SLC22A8: variants seen among roughly 807,000 people sequenced by gnomAD.
SLC22A8 encodes organic anion transporter 3.
Under a neutral mutation model 48.4 loss-of-function variants are expected in SLC22A8, and 40 were observed. The observed-to-expected ratio is 0.83, with a 90% confidence interval of 0.64 to 1.08. The LOEUF (loss-of-function observed/expected upper bound fraction) is 1.08. Among genes scored for constraint, SLC22A8 ranks in the 50% least tolerant of loss-of-function variants. SLC22A8 has a pLI of 0.00. For missense variants in SLC22A8, 606 were observed against 699.0 expected (o/e 0.87, Z 1.50); for synonymous variants, 268 against 286.3 (o/e 0.94, Z 0.65).
rs2086371127 is a variant in SLC22A8 at position 62,993,595 on chromosome 11, G to A, written c.1358C>T (p.Thr453Ile). 6.2e-7 allele frequency: 1 copy of A among 1,612,244 alleles called. No homozygotes were observed. Among genetic ancestry groups the A allele is most frequent in the African/African-American group, 1.3e-5 (1 of 74,896 alleles). The change falls in exon 10 of 11, where the codon ACC becomes ATC. Residue 453 changes from threonine (T) to isoleucine (I), a missense_variant. Thr to Ile is a moderately conservative substitution (Grantham distance 89, BLOSUM62 -1). Transcript: ENST00000336232. Reference protein sequence around the residue: ...QTGMGVSNLWTRVGSMVSPLV... With the variant: ...QTGMGVSNLWIRVGSMVSPLV... ...CGGGGACACCATGCTTCCCACGCGGGTCCACAGGTTACTTACGCCCATACC... is the reference window on the plus strand; with the variant it reads ...CGGGGACACCATGCTTCCCACGCGGATCCACAGGTTACTTACGCCCATACC...
Position 62,993,325 on chromosome 11 carries a change from G to T in SLC22A8, c.1541C>A (p.Ala514Glu). 1.9e-6 allele frequency: 3 copies of T among 1,613,952 alleles called. No homozygotes were observed. The South Asian group carries it at 3.3e-5, about 18-fold the overall frequency. ...CTCTGGCTCCTGCTTTGGCTTCTTT[G>T]CCCGCAGGGACCTAGGGACAGAGAG... ...IEDLENWSLR[A>E]KKPKQEPEVE... Residue 514 changes from alanine (A) to glutamate (E), a missense_variant, in exon 11 of 11, where the codon GCA becomes GAA. Transcript: ENST00000336232.
At chr11:63,012,419 C>T (rs1193063721) in intron 2 of SLC22A8, among the ~76,000 whole-genome samples, 4 of 152,286 alleles carry the variant, frequency 2.6e-5, no homozygotes, top group East Asian at 1.9e-4. Flanking sequence ...CTACTGCGCC[C>T]GGCCTTTCTT....
At chr11:63,010,418 G>C (rs191049876) in intron 2 of SLC22A8, among the ~76,000 whole-genome samples, 1 of 152,154 alleles carries the variant, frequency 6.6e-6, no homozygotes. Context: ...TCGGTTTCCC[G>C]CCTCTGTGTC....
Position 63,014,902 on chromosome 11 carries a change from C to A in SLC22A8, c.57G>T (p.Leu19=), listed in dbSNP as rs1565303995. 1 of 1,589,476 alleles carries A rather than the reference C, an allele frequency of 6.3e-7. No individual in the cohort carries two copies. The highest frequency in any genetic ancestry group is 8.6e-7 in the Non-Finnish European group (1 of 1,164,596). The part of the protein sequence containing the change: ...RVGSMGHFQF[L]HVAILGLPIL... ...TCGGGAGGCCCAGTATGGCTACATGCAGGAACTGGAAATGGCCCATGCTTC... is the reference window on the plus strand; with the variant it reads ...TCGGGAGGCCCAGTATGGCTACATGAAGGAACTGGAAATGGCCCATGCTTC... The change falls in exon 2 of 11, where the codon CTG becomes CTT. Residue 19 remains leucine, a synonymous_variant. Transcript: ENST00000336232.
intron 2 of SLC22A8, among the ~76,000 whole-genome samples, chr11:63,006,549 T>G (rs2086556319): frequency 6.6e-6 from 1 of 151,210 alleles, no homozygotes; most frequent in African/African-American, 2.4e-5. Context: ...TTGTTTGCTG[T>G]CCTGTATTCT....
chr11:62,993,862 C>T lies in SLC22A8; in HGVS notation c.1233G>A (p.Arg411=), dbSNP rs2086375926. The part of the protein sequence containing the change: ...TFVPLDLQTV[R]TVLAVFGKGC... ...CCTTCCCAAACACAGCCAATACTGT[C>T]CTCACGGTCTGCAAGTCTGCAGAGG... Residue 411 remains arginine (R), a synonymous_variant, in exon 9 of 11, where the codon AGG becomes AGA. Transcript: ENST00000336232. The T allele has an allele frequency of 6.2e-7, 1 of 1,612,594 alleles. No individual in the cohort carries two copies. Among genetic ancestry groups the T allele is most frequent in the Non-Finnish European group, 8.5e-7 (1 of 1,178,694 alleles).
intron 2 of SLC22A8, among the ~76,000 whole-genome samples, chr11:63,004,631 A>T (rs556331765): frequency 6.6e-6 from 1 of 152,340 alleles, no homozygotes; most frequent in South Asian, 2.1e-4. Context: ...TTTTCTCAGT[A>T]GTGCTTATAC....
intron 3 of SLC22A8, 98 bp from the exon 4 acceptor site, chr11:62,999,940 C>A (rs2086471691): frequency 9.7e-7 from 1 of 1,029,270 alleles, no homozygotes; most frequent in Admixed American, 3.9e-5. Flanking sequence ...AATCCGACCC[C>A]CAACCTTTCC....
intron 5 of SLC22A8, 130 bp downstream of exon 5, chr11:62,998,791 G>T: frequency 1.4e-6 from 1 of 719,168 alleles, no homozygotes; most frequent in Non-Finnish European, 2.4e-6. Context: ...CCTCCTCCCT[G>T]GAGTGCCCTT....
At chr11:63,012,220 C>T (rs1590702150) in intron 2 of SLC22A8, among the ~76,000 whole-genome samples, 1 of 152,096 alleles carries the variant, frequency 6.6e-6, no homozygotes, top group Non-Finnish European at 1.5e-5. Flanking sequence ...AAACTCCTGA[C>T]CTCAGGTGAT....
In SLC22A8 at chr11:62,996,047, T is replaced by C. The variant is rs1194282538; in HGVS notation, c.867A>G (p.Gly289=). The change falls in exon 6 of 11, where the codon GGA becomes GGG. Residue 289 remains glycine (G), a synonymous_variant. Transcript: ENST00000336232. ...CCCCTACCTCCAAGCTGAGCCTTTC[T>C]CCCTCTTCCTTCTTGCCATTGAAGA... ...VAVFNGKKEE[G]ERLSLEELKL... 3.1e-6 allele frequency: 5 copies of C among 1,614,078 alleles called. No homozygotes were observed. Among genetic ancestry groups the C allele is most frequent in the Middle Eastern group, 1.7e-4 (1 of 6,058 alleles).
chr11:63,011,890 C>G (rs140894407), intron 2 of SLC22A8, among the ~76,000 whole-genome samples: 1 of 152,304 alleles, frequency 6.6e-6, no homozygotes, highest in African/African-American at 2.4e-5. Context: ...GGCCCTCTTG[C>G]TGTCCTCTCT....
At chr11:62,999,185 A>T in intron 4 of SLC22A8, 96 bp from the exon 5 acceptor site, 1 of 1,070,556 alleles carries the variant, frequency 9.3e-7, no homozygotes. Context: ...ACGGCTACTG[A>T]CATCCTCCCC....
chr11:63,010,909 G>T (rs2086612028), intron 2 of SLC22A8, among the ~76,000 whole-genome samples: 1 of 152,184 alleles, frequency 6.6e-6, no homozygotes, highest in African/African-American at 2.4e-5. Context: ...CCACTTCCCA[G>T]CAGTGAGCGG....
rs1038129861 is a variant in SLC22A8 at position 62,996,081 on chromosome 11, C to A, written c.833G>T (p.Arg278Leu). Residue 278 changes from arginine to leucine, a missense_variant, in exon 6 of 11, where the codon CGG becomes CTG. By Grantham distance (102) the Arg-to-Leu change is moderately radical. Coordinates refer to ENST00000336232, the MANE Select transcript of SLC22A8 (RefSeq NM_004254.4). Reference protein sequence around the residue: ...KSSKALKILRRVAVFNGKKEE... With the variant: ...KSSKALKILRLVAVFNGKKEE... ...CTTCTTGCCATTGAAGACAGCCACCCGCCGGAGTATCTTCAGGGCCTTCGA... is the reference window on the plus strand; with the variant it reads ...CTTCTTGCCATTGAAGACAGCCACCAGCCGGAGTATCTTCAGGGCCTTCGA... 1.9e-6 allele frequency: 3 copies of A among 1,614,092 alleles called. No homozygotes were observed. Among genetic ancestry groups the A allele is most frequent in the South Asian group, 1.1e-5 (1 of 91,078 alleles).
chr11:62,993,662 G>A (rs985075632), intron 9 of SLC22A8, 35 bp from the exon 10 acceptor site: 2 of 1,601,678 alleles, frequency 1.2e-6, no homozygotes, highest in Admixed American at 1.7e-5. Flanking sequence ...GGTAGCCTGT[G>A]TGTGGGGTTC....
At position 63,009,326 on chromosome 11, in the gene SLC22A8, C is replaced by A. The variant is rs550642247; in HGVS notation, c.333+5300G>T. The stretch of plus-strand genomic sequence containing the variant: ...GAGGCCTCACTGGGCAGCCTCTCTG[C>A]TTCTCCAGCAGCTGACCTGGGGCCT... On this transcript the variant is annotated intron_variant, in intron 2 of 10. Transcript: ENST00000336232. Among the ~76,000 whole-genome samples the A allele has an allele frequency of 5.1e-4, 78 of 152,268 alleles. 1 individual carries two copies. Among genetic ancestry groups the A allele is most frequent in the African/African-American group, 1.8e-3 (75 of 41,590 alleles).
Position 62,999,777 on chromosome 11 carries a change from G to C in SLC22A8, c.503C>G (p.Ala168Gly). The change falls in exon 4 of 11, where the codon GCC (alanine) becomes GGC (glycine). Residue 168 changes from alanine to glycine, a missense_variant. Physicochemically the swap from Ala to Gly is moderately conservative, Grantham distance 60 (BLOSUM62 0). Transcript: ENST00000336232. ...GTAGATGGGGAAGGTGGGGCTGAAG[G>C]CTGCACCGGAGCCGCTGGCTGCCAG... The part of the protein sequence containing the change: ...LLLAASGSGA[A>G]FSPTFPIYMV... 2 of 1,607,062 alleles carry C rather than the reference G, an allele frequency of 1.2e-6. No homozygotes were observed. The highest frequency in any genetic ancestry group is 3.4e-5 in the Admixed American group (2 of 59,196).
chr11:63,001,144 C>A lies in SLC22A8; in HGVS notation c.334-321G>T, dbSNP rs772242618. ...GCTTCCCTGTTTGCCTCCTCCCTGC[C>A]CCTCACATAGCCCAGGCCAGTCCCT... On this transcript the variant is annotated intron_variant, in intron 2 of 10. Coordinates refer to ENST00000336232, the MANE Select transcript of SLC22A8 (RefSeq NM_004254.4). 4.9e-4 allele frequency: 186 copies of A among 377,996 alleles called. 1 individual carries two copies. The highest frequency in any genetic ancestry group is 8.8e-4 in the Admixed American group (23 of 26,234). 23.4% of individuals were successfully genotyped at this position (377,996 alleles called of 1,614,324 possible). A position where few individuals can be genotyped will look rare whatever the true frequency, so the allele number is the denominator to read the frequency against.
Sources: gnomAD v4.1 joint callset for allele counts (sites outside exome capture counted in the v4.1 genomes callset) on GRCh38, gnomAD v4.1.1 for gene constraint, MANE v1.5 for transcripts, NCBI Gene and HGNC (gene_info 2026-07-23, HGNC 2026-07-21) for gene names.